The following BRAF variants were observed in gnomAD, a reference collection of about 807,000 sequenced individuals.
BRAF encodes the protein B-Raf proto-oncogene, serine/threonine kinase.
BRAF carries 16 observed loss-of-function variants against 104.6 expected under a neutral mutation model. The observed-to-expected ratio is 0.15, with a 90% CI of 0.10 to 0.23. BRAF has a LOEUF of 0.23. Among genes scored for constraint, BRAF ranks in the 10% least tolerant of loss-of-function variants. The pLI, the probability that BRAF is intolerant of heterozygous loss-of-function variation, is 1.00. For missense variants in BRAF, 541 were observed against 937.3 expected (o/e 0.58, Z 5.52); for synonymous variants, 310 against 341.6 (o/e 0.91, Z 1.02).
intron 3 of BRAF, chr7:140,823,941 T>C (rs2129055925): frequency 6.6e-6 from 1 of 152,348 alleles, no homozygotes; most frequent in Admixed American, 6.5e-5. Flanking sequence ...CATATGCTCG[T>C]GGCCATCTGG....
chr7:140,779,224 T>C (rs1223322008), intron 12 of BRAF, among the ~76,000 whole-genome samples: 1 of 152,086 alleles, frequency 6.6e-6, no homozygotes. Context: ...AGAGTGCTAG[T>C]AATGTTCTGT....
At chr7:140,780,273 C>G (rs1472866136) in intron 12 of BRAF, 4 of 143,778 alleles carry the variant, frequency 2.8e-5, no homozygotes, top group African/African-American at 1.0e-4. Context: ...AAGACAGTCT[C>G]GCTGTTATCC....
chr7:140,756,208 C>T (rs186671685), intron 14 of BRAF, among the ~76,000 whole-genome samples: 76 of 152,108 alleles, frequency 5.0e-4, no homozygotes, highest in African/African-American at 1.2e-3. Flanking sequence ...TGTTATAGGC[C>T]GAGTTGCATA....
chr7:140,757,516 T>C (rs971715607), intron 14 of BRAF, among the ~76,000 whole-genome samples: 1 of 152,026 alleles, frequency 6.6e-6, no homozygotes, highest in Non-Finnish European at 1.5e-5. Context: ...GCTCAGTCTC[T>C]TGACCTCGTG....
At chr7:140,754,301 A>G in intron 14 of BRAF, 68 bp from the exon 14 acceptor site, 1 of 1,381,664 alleles carries the variant, frequency 7.2e-7, no homozygotes, top group Non-Finnish European at 1.0e-6. Context: ...TCTACAGAAC[A>G]TACTTGGGGG....
At chr7:140,888,172 C>G (rs1338387224) in intron 1 of BRAF, among the ~76,000 whole-genome samples, 2 of 152,150 alleles carry the variant, frequency 1.3e-5, no homozygotes, top group African/African-American at 4.8e-5. Context: ...TGTGCCTGGC[C>G]TCAGCATTTA....
chr7:140,740,192 T>C, intron 17 of BRAF: 1 of 476,888 alleles, frequency 2.1e-6, no homozygotes, highest in Non-Finnish European at 3.8e-6. Flanking sequence ...TCCCCTGCTT[T>C]TGGTCTCTCT....
At chr7:140,735,685 T>C (rs1796348663) in intron 18 of BRAF, among the ~76,000 whole-genome samples, 1 of 151,622 alleles carries the variant, frequency 6.6e-6, no homozygotes, top group South Asian at 2.1e-4. Flanking sequence ...GCCTCCTGAG[T>C]AGCTGGGATT....
chr7:140,846,671 A>C (rs900044029), intron 2 of BRAF, among the ~76,000 whole-genome samples: 1 of 152,178 alleles, frequency 6.6e-6, no homozygotes, highest in African/African-American at 2.4e-5. Context: ...TAAAATGGTA[A>C]ATTTTGTTAG....
chr7:140,844,327 TG>T (rs1490117150), intron 2 of BRAF, among the ~76,000 whole-genome samples: 5 of 152,246 alleles, frequency 3.3e-5, no homozygotes, highest in African/African-American at 1.2e-4. Context: ...CTGTTACTTT[TG>T]CTTCTTTAGT....
At chr7:140,869,573 C>A (rs147383851) in intron 1 of BRAF, among the ~76,000 whole-genome samples, 2 of 150,922 alleles carry the variant, frequency 1.3e-5, no homozygotes, top group African/African-American at 4.9e-5. Context: ...ACAGAGGTTG[C>A]GGTGAGCCGA....
chr7:140,739,703 ACATAGAATC>A (rs1796748854), intron 18 of BRAF, 100 bp downstream of exon 17: 1 of 1,300,316 alleles, frequency 7.7e-7, no homozygotes. Flanking sequence ...TGGAGTCTGC[ACATAGAATC>A]CAAACTCATG....
At position 140,922,077 on chromosome 7, in the gene BRAF, C is replaced by T. The variant is rs567381839; in HGVS notation, c.138+2489G>A. Among the ~76,000 whole-genome samples, 91 of 152,240 alleles carry T rather than the reference C, an allele frequency of 6.0e-4. 2 individuals are homozygous for T. The South Asian group carries it at 9.8e-3, about 16-fold the overall frequency. On this transcript the variant is annotated intron_variant, in intron 1 of 19. Coordinates refer to ENST00000644969, the MANE Select transcript of BRAF (RefSeq NM_001374258.1). Reference sequence around the variant, plus strand: ...AAGAGATACATTTTTTAATCAATGTCACCCTCCCAGCCAAATACATTTATT... The same window carrying T: ...AAGAGATACATTTTTTAATCAATGTTACCCTCCCAGCCAAATACATTTATT...
At chr7:140,804,406 T>TTGGG (rs1554403975) in intron 5 of BRAF, among the ~76,000 whole-genome samples, 38 of 147,316 alleles carry the variant, frequency 2.6e-4, no homozygotes, top group African/African-American at 9.9e-4. Context: ...GTTTTTTTTT[T>TTGGG]GGGGGGGGTG....
At chr7:140,906,603 T>C (rs975100184) in intron 1 of BRAF, among the ~76,000 whole-genome samples, 3 of 152,214 alleles carry the variant, frequency 2.0e-5, no homozygotes, top group Non-Finnish European at 2.9e-5. Flanking sequence ...GACTTTTATC[T>C]AGAATCTTTC....
chr7:140,879,103 C>T (rs1270178583), intron 1 of BRAF, among the ~76,000 whole-genome samples: 2 of 151,678 alleles, frequency 1.3e-5, no homozygotes, highest in African/African-American at 4.9e-5. Context: ...GTCTCGAACT[C>T]CTGACTTCAA....
At chr7:140,909,899 G>C (rs1239947924) in intron 1 of BRAF, among the ~76,000 whole-genome samples, 2 of 151,830 alleles carry the variant, frequency 1.3e-5, no homozygotes, top group Admixed American at 1.3e-4. Flanking sequence ...ACATCATTAT[G>C]ATCACTTTTT....
intron 1 of BRAF, among the ~76,000 whole-genome samples, chr7:140,877,596 T>C (rs1812412171): frequency 6.6e-6 from 1 of 151,916 alleles, no homozygotes; most frequent in African/African-American, 2.4e-5. Flanking sequence ...ACCAATACAA[T>C]TTACAAATCT....
At chr7:140,789,257 A>G (rs1801704533) in intron 8 of BRAF, among the ~76,000 whole-genome samples, 1 of 152,046 alleles carries the variant, frequency 6.6e-6, no homozygotes, top group Non-Finnish European at 1.5e-5. Flanking sequence ...TCTTTATAAC[A>G]ACGATGGTAG....
Sources: allele counts gnomAD v4.1 joint callset (sites outside exome capture counted in the v4.1 genomes callset), GRCh38; gene constraint gnomAD v4.1.1; transcripts MANE v1.5; gene names NCBI Gene and HGNC (gene_info 2026-07-23, HGNC 2026-07-21).